The following AJUBA variants were observed in gnomAD, a reference collection of about 807,000 sequenced individuals.
AJUBA encodes ajuba LIM protein, also known as LIM domain-containing protein ajuba.
AJUBA carries 20 observed loss-of-function variants against 53.3 expected under a neutral mutation model. The ratio of observed to expected loss-of-function variants is 0.38; its 90% CI spans 0.26 to 0.55. AJUBA has a LOEUF of 0.55. Among genes scored for constraint, AJUBA ranks in the 20% least tolerant of loss-of-function variants. AJUBA has a pLI of 0.80. For missense variants in AJUBA, 580 were observed against 730.5 expected, an observed-to-expected ratio of 0.79 and a Z score of 2.38; for synonymous variants, 296 against 306.2, an observed-to-expected ratio of 0.97 and a Z score of 0.35.
intron 2 of AJUBA, chr14:22,977,033 A>G: frequency 1.6e-6 from 2 of 1,229,926 alleles, no homozygotes; most frequent in Non-Finnish European, 2.0e-6. Flanking sequence ...AGTAAAGCCA[A>G]CTACGTGCTG....
At chr14:22,977,550 A>G (rs2045048642) in intron 2 of AJUBA, 1 of 152,306 alleles carries the variant, frequency 6.6e-6, no homozygotes, top group Admixed American at 6.5e-5. Context: ...CTCATGAGAC[A>G]CAGGGGAGGA....
At position 22,978,374 on chromosome 14, in the gene AJUBA, G is replaced by C; in HGVS notation, c.1078C>G (p.His360Asp). ...NACQALDSLYHTQCFVCCSCG... is the reference protein window; with the variant it reads ...NACQALDSLYDTQCFVCCSCG... ...GAGCAGCAAACAAAGCACTGGGTGT[G>C]GTAGAGGCTGTCCAGGGCCTGGCAG... The change falls in exon 2 of 8, where the codon CAC becomes GAC. Residue 360 changes from histidine to aspartate, a missense_variant. By Grantham distance (81) the His-to-Asp change is moderately conservative. Transcript: ENST00000262713. 2.5e-6 allele frequency: 4 copies of C among 1,613,960 alleles called. No individual in the cohort carries two copies. Among genetic ancestry groups the C allele is most frequent in the Non-Finnish European group, 3.4e-6 (4 of 1,179,854 alleles).
chr14:22,981,073 G>T (rs1168460124), intron 1 of AJUBA, among the ~76,000 whole-genome samples, 188 bp downstream of exon 1: 1 of 152,120 alleles, frequency 6.6e-6, no homozygotes, highest in Non-Finnish European at 1.5e-5. Flanking sequence ...AGGAGCCCTG[G>T]TTCATCTGAA....
intron 3 of AJUBA, 23 bp downstream of exon 3, chr14:22,976,622 A>T (rs1330996729): frequency 1.5e-5 from 24 of 1,613,542 alleles, no homozygotes; most frequent in Non-Finnish European, 1.9e-5. Flanking sequence ...AACCAATTCC[A>T]GGTCCAGGTG....
chr14:22,976,023 C>A (rs1412389315), intron 4 of AJUBA, among the ~76,000 whole-genome samples: 2 of 151,626 alleles, frequency 1.3e-5, no homozygotes, highest in Non-Finnish European at 2.9e-5. Context: ...ATTAGCCAGG[C>A]ATGGTGGCGC....
In AJUBA at chr14:22,980,607, C is replaced by T. The variant is rs955683993; in HGVS notation, c.1006+654G>A. 17 of 985,304 alleles carry T rather than the reference C, an allele frequency of 1.7e-5. No homozygotes were observed. In the African/African-American group the frequency reaches 2.6e-4, roughly 15 times the overall value. 61.0% of individuals were successfully genotyped at this position (985,304 alleles called of 1,614,324 possible). ...ATTAAATGCCCACGCACGCACCTAGCCAACAGGACTGGGGAGGGACAGCAG... is the reference window on the plus strand; with the variant it reads ...ATTAAATGCCCACGCACGCACCTAGTCAACAGGACTGGGGAGGGACAGCAG... On this transcript the variant is annotated intron_variant, in intron 1 of 7. Transcript: ENST00000262713.
rs934756031 is a variant in AJUBA at position 22,971,317 on chromosome 14, T to C, written c.*2126A>G. ...GTGCATTTTCCCCTCTGGCGCTCAG[T>C]TGTATAAATCTGACCTCTTTCCCTC... On this transcript the variant is annotated 3_prime_UTR_variant, in exon 8 of 8. Transcript: ENST00000262713. 3 of 151,980 alleles carry C rather than the reference T, an allele frequency of 2.0e-5. No individual in the cohort carries two copies. Among genetic ancestry groups the C allele is most frequent in the African/African-American group, 7.3e-5 (3 of 41,360 alleles). The allele number at this position is 151,980 out of a possible 1,614,324, so 9.4% of individuals were successfully genotyped here. A position where few individuals can be genotyped will look rare whatever the true frequency, so the allele number is the denominator to read the frequency against.
Position 22,982,405 on chromosome 14 carries a change from A to C in AJUBA, c.-139T>G. On this transcript the variant is annotated 5_prime_UTR_variant, in exon 1 of 8. Transcript: ENST00000262713. ...CACAGGGGCTTAGCGGGCGGCCTGG[A>C]TGCCCTGCGCCAGGAATCCCACAGC... 18 of 1,459,894 alleles carry C rather than the reference A, an allele frequency of 1.2e-5. No homozygotes were observed. Among genetic ancestry groups the C allele is most frequent in the Non-Finnish European group, 1.6e-5 (18 of 1,115,968 alleles). The allele number at this position is 1,459,894 out of a possible 1,614,324, so 90.4% of individuals were successfully genotyped here. A position where few individuals can be genotyped will look rare whatever the true frequency, so the allele number is the denominator to read the frequency against.
Position 22,981,825 on chromosome 14 carries a change from C to A in AJUBA, c.442G>T (p.Gly148Trp). The A allele has an allele frequency of 6.5e-7, 1 of 1,533,856 alleles. No individual in the cohort carries two copies. The highest frequency in any genetic ancestry group is 1.4e-5 in the African/African-American group (1 of 72,886). ...PRGSLLLDGA[G>W]AGGAGGSRPC... ...CGGCTACCTCCAGCTCCGCCAGCCC[C>A]CGCCCCGTCCAGCAGCAGGCTGCCC... The change falls in exon 1 of 8, where the codon GGG becomes TGG. Residue 148 changes from glycine (G) to tryptophan (W), a missense_variant. Coordinates refer to ENST00000262713, the MANE Select transcript of AJUBA (RefSeq NM_032876.6).
chr14:22,981,760 G>A lies in AJUBA; in HGVS notation c.507C>T (p.Tyr169=). The A allele has an allele frequency of 6.5e-7, 1 of 1,534,786 alleles. No individual in the cohort carries two copies. Among genetic ancestry groups the A allele is most frequent in the South Asian group, 1.2e-5 (1 of 83,906 alleles). The part of the protein sequence containing the change: ...SNRTSGISMG[Y]DQRHGSPLPA... ...GCAAGGGGCTCCCGTGGCGCTGGTC[G>A]TAGCCCATGCTGATGCCGCTGGTGC... The change falls in exon 1 of 8, where the codon TAC becomes TAT. Residue 169 remains tyrosine (Y), a synonymous_variant. Transcript: ENST00000262713.
rs2045071226 is a variant in AJUBA at position 22,979,861 on chromosome 14, CT to C, written c.1006+1399del. ...TCTGATGGTTCAGCCAAAAAGACTTCTTTACTAGCCACCTCTCCTGGGCCTC... is the reference window on the plus strand; with the variant it reads ...TCTGATGGTTCAGCCAAAAAGACTTCTTACTAGCCACCTCTCCTGGGCCTC... On this transcript the variant is annotated intron_variant, in intron 1 of 7. Transcript: ENST00000262713. The surrounding 1 kb of genome is among the most constrained non-coding windows in gnomAD (Gnocchi z 4.0). Among the ~76,000 whole-genome samples, 1 of 152,122 alleles carries C rather than the reference CT, an allele frequency of 6.6e-6. No individual in the cohort carries two copies. Among genetic ancestry groups the C allele is most frequent in the Non-Finnish European group, 1.5e-5 (1 of 68,024 alleles).
intron 7 of AJUBA, 114 bp downstream of exon 7, chr14:22,973,933 C>G: frequency 1.6e-6 from 2 of 1,225,806 alleles, no homozygotes; most frequent in South Asian, 2.6e-5. Flanking sequence ...CAATATCTTT[C>G]TGGTTTCCCA....
rs2044997750 is a variant in AJUBA at position 22,972,946 on chromosome 14, C to T, written c.*497G>A. ...TTAGCTGAAACTAATTGATTTAAAGCTAGGTCCTCTACTCCTGGAATCCAG... is the reference window on the plus strand; with the variant it reads ...TTAGCTGAAACTAATTGATTTAAAGTTAGGTCCTCTACTCCTGGAATCCAG... On this transcript the variant is annotated 3_prime_UTR_variant, in exon 8 of 8. Transcript: ENST00000262713. 6.3e-6 allele frequency: 1 copy of T among 157,696 alleles called. No homozygotes were observed. 9.8% of individuals were successfully genotyped at this position (157,696 alleles called of 1,614,324 possible).
chr14:22,979,605 C>T lies in AJUBA; in HGVS notation c.1007-1160G>A, dbSNP rs979060300. Among the ~76,000 whole-genome samples, 1 of 152,218 alleles carries T rather than the reference C, an allele frequency of 6.6e-6. No individual in the cohort carries two copies. The highest frequency in any genetic ancestry group is 1.5e-5 in the Non-Finnish European group (1 of 68,036). Reference sequence around the variant, plus strand: ...CTGACTCCCAAGGAGAAGGGGCCCCCATCTCTGAATTCAAAATGTGGCTTC... The same window carrying T: ...CTGACTCCCAAGGAGAAGGGGCCCCTATCTCTGAATTCAAAATGTGGCTTC... On this transcript the variant is annotated intron_variant, in intron 1 of 7. Coordinates refer to ENST00000262713, the MANE Select transcript of AJUBA (RefSeq NM_032876.6). The surrounding 1 kb of genome is among the most constrained non-coding windows in gnomAD (Gnocchi z 4.0).
At chr14:22,973,940 C>T (rs1194285967) in intron 7 of AJUBA, 107 bp downstream of exon 7, 5 of 1,306,598 alleles carry the variant, frequency 3.8e-6, no homozygotes, top group Non-Finnish European at 5.5e-6. Context: ...TTTCTGGTTT[C>T]CCATGCCCTA....
Position 22,982,296 on chromosome 14 carries a change from C to T in AJUBA, c.-30G>A, listed in dbSNP as rs752069143. The stretch of plus-strand genomic sequence containing the variant: ...TCGGGCCTGGGGCCTCTCGCCCCCT[C>T]CCCGCCTGGCACCCTGCGGCGTCTC... On this transcript the variant is annotated 5_prime_UTR_variant, in exon 1 of 8. Transcript: ENST00000262713. The T allele has an allele frequency of 6.2e-7, 1 of 1,606,404 alleles. No homozygotes were observed. Among genetic ancestry groups the T allele is most frequent in the Non-Finnish European group, 8.5e-7 (1 of 1,177,640 alleles).
chr14:22,973,243 C>G lies in AJUBA; in HGVS notation c.*200G>C. ...CACATGGGAAAAAGGCCAGTCGCCC[C>G]CACCCTGGTAAATATAAGGTTTCTC... On this transcript the variant is annotated 3_prime_UTR_variant, in exon 8 of 8. Coordinates refer to ENST00000262713, the MANE Select transcript of AJUBA (RefSeq NM_032876.6). 2.4e-6 allele frequency: 2 copies of G among 824,584 alleles called. No individual in the cohort carries two copies. The highest frequency in any genetic ancestry group is 3.7e-6 in the Non-Finnish European group (2 of 545,858). 51.1% of individuals were successfully genotyped at this position (824,584 alleles called of 1,614,324 possible). A position where few individuals can be genotyped will look rare whatever the true frequency, so the allele number is the denominator to read the frequency against.
At chr14:22,975,536 G>A (rs2045026360) in intron 4 of AJUBA, among the ~76,000 whole-genome samples, 1 of 152,214 alleles carries the variant, frequency 6.6e-6, no homozygotes, top group African/African-American at 2.4e-5. Context: ...TGAGTCCCAA[G>A]TGATTCTAAC....
At position 22,978,761 on chromosome 14, in the gene AJUBA, G is replaced by A. The variant is rs561780033; in HGVS notation, c.1007-316C>T. The A allele has an allele frequency of 2.4e-4, 287 of 1,204,720 alleles. 4 individuals carry two copies. In the South Asian group the frequency reaches 3.0e-3, roughly 13 times the overall value. 74.6% of individuals were successfully genotyped at this position (1,204,720 alleles called of 1,614,324 possible). A position where few individuals can be genotyped will look rare whatever the true frequency, so the allele number is the denominator to read the frequency against. On this transcript the variant is annotated intron_variant, in intron 1 of 7. Coordinates refer to ENST00000262713, the MANE Select transcript of AJUBA (RefSeq NM_032876.6). ...TCAGATGCTTAGTTTCTGTTGGGGA[G>A]AAAAGACTACACAGGCAAGGTATGA...
Sources: allele counts gnomAD v4.1 joint callset (sites outside exome capture counted in the v4.1 genomes callset), GRCh38; gene constraint gnomAD v4.1.1; non-coding constraint Gnocchi (gnomAD v3.1); transcripts MANE v1.5; gene names NCBI Gene and HGNC (gene_info 2026-07-23, HGNC 2026-07-21).